NUGGC: variants seen among roughly 807,000 people sequenced by gnomAD.
NUGGC encodes the protein nuclear GTPase SLIP-GC.
A neutral mutation model predicts 92.6 loss-of-function variants in NUGGC; 58 were observed. The ratio of observed to expected loss-of-function variants is 0.63; its 90% CI spans 0.51 to 0.78. NUGGC has a LOEUF of 0.78. Among genes scored for constraint, NUGGC ranks in the 30% least tolerant of loss-of-function variants. The pLI is 0.00. For synonymous variants in NUGGC, 376 were observed against 366.4 expected, an observed-to-expected ratio of 1.03 and a Z score of -0.30; for missense variants, 925 against 964.6, an observed-to-expected ratio of 0.96 and a Z score of 0.54.
intron 1 of NUGGC, 31 bp downstream of exon 1, chr8:28,083,744 C>T (rs1440491731): frequency 1.4e-5 from 2 of 148,080 alleles, no homozygotes. Context: ...CCACAAGTTA[C>T]AGTACAAATT....
intron 8 of NUGGC, 89 bp downstream of exon 8, chr8:28,060,337 A>T: frequency 7.7e-7 from 1 of 1,298,120 alleles, no homozygotes; most frequent in Non-Finnish European, 1.1e-6. Flanking sequence ...TAACCACGTT[A>T]CAAAGTCAAG....
At position 28,065,151 on chromosome 8, in the gene NUGGC, TC is replaced by T. The variant is rs151170288; in HGVS notation, c.712-421del. Among the ~76,000 whole-genome samples the T allele has an allele frequency of 1.3e-3, 181 of 136,792 alleles. 1 individual carries two copies. Among genetic ancestry groups the T allele is most frequent in the African/African-American group, 4.6e-3 (167 of 36,306 alleles). 89.7% of individuals were successfully genotyped at this position (136,792 alleles called of 152,430 possible). The stretch of plus-strand genomic sequence containing the variant: ...AACTGAAAATTGATCTGAAATTGGA[TC>T]TTTTTTTTTTTTTTTTTTTTTTTTT... On this transcript the variant is annotated intron_variant, in intron 6 of 18. Transcript: ENST00000413272.
chr8:28,033,605 A>G lies in NUGGC; in HGVS notation c.1704T>C (p.Asp568=), dbSNP rs745888992. The change falls in exon 14 of 19, where the codon GAT becomes GAC. Residue 568 remains aspartate (D), a synonymous_variant. Coordinates refer to ENST00000413272, the MANE Select transcript of NUGGC (RefSeq NM_001010906.2). ...IYASRTLARI[D]LNEALTQPVY... is the part of the protein sequence containing the mutation. Reference sequence around the variant, plus strand: ...CGGGCTGAGTGAGGGCTTCATTTAGATCAATTCTCGCCAGAGTCCTGGAGG... The same window carrying G: ...CGGGCTGAGTGAGGGCTTCATTTAGGTCAATTCTCGCCAGAGTCCTGGAGG... 2 of 1,614,010 alleles carry G rather than the reference A, an allele frequency of 1.2e-6. No individual in the cohort carries two copies. Among genetic ancestry groups the G allele is most frequent in the South Asian group, 2.2e-5 (2 of 91,064 alleles).
At chr8:28,040,851 T>C (rs1809677226) in intron 13 of NUGGC, among the ~76,000 whole-genome samples, 200 bp downstream of exon 13, 3 of 152,326 alleles carry the variant, frequency 2.0e-5, no homozygotes, top group African/African-American at 4.8e-5. Context: ...TTCACCATGT[T>C]GGCCAGGATG....
At chr8:28,024,631 C>T (rs1163564832) in intron 18 of NUGGC, among the ~76,000 whole-genome samples, 2 of 152,222 alleles carry the variant, frequency 1.3e-5, no homozygotes, top group East Asian at 3.9e-4. Flanking sequence ...CCTTTCTAAT[C>T]CCCCTTGGCT....
At chr8:28,050,819 A>AT (rs1563221901) in intron 10 of NUGGC, among the ~76,000 whole-genome samples, 1 of 152,128 alleles carries the variant, frequency 6.6e-6, no homozygotes, top group Non-Finnish European at 1.5e-5. Flanking sequence ...TCAAAAAAAA[A>AT]AAAAAATCAT....
chr8:28,069,997 C>A (rs527337102), intron 3 of NUGGC: 1 of 611,780 alleles, frequency 1.6e-6, no homozygotes, highest in African/African-American at 2.0e-5. Context: ...CACGGAAGCA[C>A]CAACCTCATC....
At chr8:28,030,097 T>C (rs550657401) in intron 16 of NUGGC, among the ~76,000 whole-genome samples, 1 of 152,210 alleles carries the variant, frequency 6.6e-6, no homozygotes, top group Non-Finnish European at 1.5e-5. Context: ...AAGCAGGGTG[T>C]CTGGACCAAG....
At position 28,068,230 on chromosome 8, in the gene NUGGC, G is replaced by C. The variant is rs1810494877; in HGVS notation, c.466C>G (p.Leu156Val). ...CCVQYEAKIH[L>V]LSDQEWREEL... is the part of the protein sequence containing the mutation. Reference sequence around the variant, plus strand: ...GGAACACTTACCTGGTCAGACAGAAGGTGGATTTTGGCCTCATACTGCACA... The same window carrying C: ...GGAACACTTACCTGGTCAGACAGAACGTGGATTTTGGCCTCATACTGCACA... The change falls in exon 5 of 19, where the codon CTT becomes GTT. Residue 156 changes from leucine (L) to valine (V), a missense_variant. Coordinates refer to ENST00000413272, the MANE Select transcript of NUGGC (RefSeq NM_001010906.2). 6.5e-7 allele frequency: 1 copy of C among 1,547,804 alleles called. No homozygotes were observed. Among genetic ancestry groups the C allele is most frequent in the Non-Finnish European group, 8.7e-7 (1 of 1,144,780 alleles).
At position 28,033,549 on chromosome 8, in the gene NUGGC, C is replaced by T; in HGVS notation, c.1760G>A (p.Ser587Asn). 6.2e-7 allele frequency: 1 copy of T among 1,612,706 alleles called. No individual in the cohort carries two copies. The highest frequency in any genetic ancestry group is 1.3e-5 in the African/African-American group (1 of 75,010). The part of the protein sequence containing the change: ...VYDQIDPVFG[S>N]IFRTGKPTGS... ...ATGAGAGATCCTTTACCTAAAAATG[C>T]TTCCAAAAACAGGGTCGATCTGGTC... Residue 587 changes from serine to asparagine, a missense_variant, in exon 14 of 19, where the codon AGC becomes AAC. Physicochemically the swap from Ser to Asn is conservative, Grantham distance 46. Transcript: ENST00000413272.
At chr8:28,038,566 C>T (rs1376353818) in intron 13 of NUGGC, among the ~76,000 whole-genome samples, 1 of 152,158 alleles carries the variant, frequency 6.6e-6, no homozygotes, top group Non-Finnish European at 1.5e-5. Context: ...AACTGAGGTA[C>T]GAACCAGAGC....
intron 13 of NUGGC, among the ~76,000 whole-genome samples, chr8:28,034,208 T>A (rs1334308922): frequency 6.6e-6 from 1 of 152,228 alleles, no homozygotes; most frequent in Non-Finnish European, 1.5e-5. Flanking sequence ...AAACTTTTAA[T>A]GAAATACAAT....
intron 1 of NUGGC, among the ~76,000 whole-genome samples, chr8:28,081,035 T>A (rs943194552): frequency 5.9e-5 from 9 of 151,986 alleles, no homozygotes; most frequent in Non-Finnish European, 1.2e-4. Flanking sequence ...CAAGAATTCA[T>A]TGGCCAGGCA....
chr8:28,048,951 T>C (rs888715055), intron 10 of NUGGC, among the ~76,000 whole-genome samples: 24 of 151,484 alleles, frequency 1.6e-4, no homozygotes, highest in Non-Finnish European at 3.2e-4. Flanking sequence ...GGAGAAGTCA[T>C]ACTAGAATCA....
chr8:28,081,999 A>AGAATTTAT (rs1810862906), intron 1 of NUGGC, among the ~76,000 whole-genome samples: 1 of 152,210 alleles, frequency 6.6e-6, no homozygotes, highest in Admixed American at 6.5e-5. Context: ...GATGAAATTT[A>AGAATTTAT]GAATTTATTT....
chr8:28,027,024 C>A lies in NUGGC; in HGVS notation c.2183G>T (p.Ser728Ile). Reference sequence around the variant, plus strand: ...AGCAAGGGCCAGCATAGTGGTGATGCTGCCCTTCACCTTCTCCACGATTCC... The same window carrying A: ...AGCAAGGGCCAGCATAGTGGTGATGATGCCCTTCACCTTCTCCACGATTCC... ...KTGIVEKVKG[S>I]ITTMLALASS... Residue 728 changes from serine (S) to isoleucine (I), a missense_variant, in exon 18 of 19, where the codon AGC becomes ATC. Transcript: ENST00000413272. 6 of 1,613,440 alleles carry A rather than the reference C, an allele frequency of 3.7e-6. No homozygotes were observed. The highest frequency in any genetic ancestry group is 4.2e-6 in the Non-Finnish European group (5 of 1,179,400).
chr8:28,030,354 G>C lies in NUGGC; in HGVS notation c.1973C>G (p.Ser658Cys). The C allele has an allele frequency of 6.3e-7, 1 of 1,581,352 alleles. No individual in the cohort carries two copies. Among genetic ancestry groups the C allele is most frequent in the Non-Finnish European group, 8.6e-7 (1 of 1,162,432 alleles). Residue 658 changes from serine to cysteine, a missense_variant, in exon 16 of 19, where the codon TCC (serine) becomes TGC (cysteine). Physicochemically the swap from Ser to Cys is moderately radical, Grantham distance 112. Transcript: ENST00000413272. ...GTCACTCTGGACAGAGGCAGTGAGG[G>C]ACTCGTAGATCCTCCTCTTCCTTCT... ...ILRRKRRIYE[S>C]LTASVQSDLK... is the part of the protein sequence containing the mutation.
intron 10 of NUGGC, among the ~76,000 whole-genome samples, 173 bp downstream of exon 10, chr8:28,055,792 C>T (rs111594933): frequency 0.028 from 4,257 of 152,216 alleles, 200 homozygotes; most frequent in African/African-American, 0.097. Flanking sequence ...AAGATCACAC[C>T]GCTGCACTTC....
At position 28,069,656 on chromosome 8, in the gene NUGGC, G is replaced by T; in HGVS notation, c.149-4C>A. 1 of 1,548,582 alleles carries T rather than the reference G, an allele frequency of 6.5e-7. No individual in the cohort carries two copies. The highest frequency in any genetic ancestry group is 8.9e-7 in the Non-Finnish European group (1 of 1,120,594). On this transcript the variant is annotated splice_polypyrimidine_tract_variant and splice_region_variant and intron_variant, in intron 3 of 18. Transcript: ENST00000413272. ...GTCCGTGATTCCAATTTTTCATCTGGAATTAACAGAGAGATGTCACCTGCA... is the reference window on the plus strand; with the variant it reads ...GTCCGTGATTCCAATTTTTCATCTGTAATTAACAGAGAGATGTCACCTGCA...
Sources: gnomAD v4.1 joint callset for allele counts (sites outside exome capture counted in the v4.1 genomes callset) on GRCh38, gnomAD v4.1.1 for gene constraint, MANE v1.5 for transcripts, NCBI Gene and HGNC (gene_info 2026-07-23, HGNC 2026-07-21) for gene names.